The following SIMC1 variants were observed in gnomAD, a reference collection of about 807,000 sequenced individuals.
SIMC1 encodes SUMO interacting motifs containing 1.
Under a neutral mutation model 82.3 loss-of-function variants are expected in SIMC1, and 55 were observed. The ratio of observed to expected loss-of-function variants is 0.67; its 90% confidence interval spans 0.54 to 0.84. The LOEUF (loss-of-function observed/expected upper bound fraction) is 0.84, where lower values mean the gene tolerates loss of function less well. Ranked by LOEUF, SIMC1 falls within the 40% of genes least tolerant of loss-of-function variation. The pLI is 0.00. For missense variants in SIMC1, 915 were observed against 1,107.2 expected (o/e 0.83, Z 2.46); for synonymous variants, 353 against 426.3 (o/e 0.83, Z 2.12).
chr5:176,305,232 GT>G, intron 4 of SIMC1, among the ~76,000 whole-genome samples: 1 of 68,934 alleles, frequency 1.5e-5, no homozygotes, highest in Non-Finnish European at 3.4e-5. Context: ...CGTCTGGGAG[GT>G]GAGGGGCGCC....
intron 1 of SIMC1, among the ~76,000 whole-genome samples, chr5:176,275,183 G>T (rs1762630921): frequency 6.6e-6 from 1 of 151,496 alleles, no homozygotes; most frequent in Non-Finnish European, 1.5e-5. Flanking sequence ...CCTTGAAGAG[G>T]TCCTTCACGT....
chr5:176,244,576 A>G (rs1761371922), intron 1 of SIMC1, among the ~76,000 whole-genome samples: 1 of 152,056 alleles, frequency 6.6e-6, no homozygotes, highest in Non-Finnish European at 1.5e-5. Context: ...GAGGTTGGAG[A>G]TAAAGGAGTG....
At chr5:176,320,012 A>G (rs1437499379) in intron 5 of SIMC1, among the ~76,000 whole-genome samples, 2 of 152,218 alleles carry the variant, frequency 1.3e-5, no homozygotes, top group Non-Finnish European at 2.9e-5. Flanking sequence ...CATTTCTAAG[A>G]AAATTTCTTG....
chr5:176,313,217 T>C (rs1764741094), intron 4 of SIMC1: 2 of 1,199,540 alleles, frequency 1.7e-6, no homozygotes, highest in Non-Finnish European at 2.1e-6. Flanking sequence ...CGGTTTGATC[T>C]AGCAGCACAG....
In SIMC1 at chr5:176,272,207, T is replaced by G. The variant is rs1372888669; in HGVS notation, c.130-17447T>G. On this transcript the variant is annotated intron_variant, in intron 1 of 9. Coordinates refer to ENST00000429602, the MANE Select transcript of SIMC1 (RefSeq NM_001308195.2). Reference sequence around the variant, plus strand: ...AAAAAAAAAAAAAAAAAGGTGGGCATGGTGGAACGCACCTGCAGTCCCTGC... The same window carrying G: ...AAAAAAAAAAAAAAAAAGGTGGGCAGGGTGGAACGCACCTGCAGTCCCTGC... 3.8e-5 allele frequency among the ~76,000 whole-genome samples: 5 copies of G among 130,490 alleles called. 1 individual carries two copies. Among genetic ancestry groups the G allele is most frequent in the South Asian group, 2.4e-4 (1 of 4,130 alleles). 85.6% of individuals were successfully genotyped at this position (130,490 alleles called of 152,430 possible).
chr5:176,306,300 C>T (rs1446971620), intron 4 of SIMC1, among the ~76,000 whole-genome samples: 2 of 137,566 alleles, frequency 1.5e-5, no homozygotes, highest in African/African-American at 5.2e-5. Flanking sequence ...GGGGGGTCAG[C>T]CCCCCGTCCG....
intron 4 of SIMC1, among the ~76,000 whole-genome samples, chr5:176,303,270 A>T (rs1472274716): frequency 2.8e-4 from 2 of 7,202 alleles, no homozygotes; most frequent in Non-Finnish European, 6.6e-4. Flanking sequence ...TCTGTCTTTA[A>T]AAAAAAAAAA....
At chr5:176,303,510 G>A (rs964386385) in intron 4 of SIMC1, among the ~76,000 whole-genome samples, 11 of 151,618 alleles carry the variant, frequency 7.3e-5, no homozygotes, top group Admixed American at 3.9e-4. Context: ...TAATAGAGAC[G>A]GGTTTCTCCA....
At chr5:176,274,487 T>C (rs1001796060) in intron 1 of SIMC1, among the ~76,000 whole-genome samples, 13 of 151,878 alleles carry the variant, frequency 8.6e-5, no homozygotes. Flanking sequence ...TTTCTTTTGC[T>C]GTGCAGAAGC....
chr5:176,258,605 G>C (rs1385897409), intron 1 of SIMC1, among the ~76,000 whole-genome samples: 1 of 145,774 alleles, frequency 6.9e-6, no homozygotes. Context: ...TTTTTTTTTT[G>C]AGATAGAGTC....
chr5:176,323,020 G>T (rs752356338), intron 6 of SIMC1, among the ~76,000 whole-genome samples: 1 of 152,192 alleles, frequency 6.6e-6, no homozygotes, highest in African/African-American at 2.4e-5. Flanking sequence ...AAATAACCCA[G>T]TATTCCATGT....
intron 1 of SIMC1, among the ~76,000 whole-genome samples, chr5:176,249,903 A>G (rs1415214170): frequency 1.4e-5 from 2 of 145,490 alleles, no homozygotes; most frequent in Admixed American, 6.9e-5. Flanking sequence ...AGGGTTTTTC[A>G]TGTCTCTTAT....
intron 1 of SIMC1, among the ~76,000 whole-genome samples, chr5:176,255,852 C>T (rs567310198): frequency 2.6e-5 from 4 of 151,386 alleles, no homozygotes; most frequent in Non-Finnish European, 5.9e-5. Context: ...GCCGTTAAAG[C>T]AGAGTTAGAG....
intron 1 of SIMC1, among the ~76,000 whole-genome samples, chr5:176,259,856 A>G (rs1761958893): frequency 6.6e-6 from 1 of 151,918 alleles, no homozygotes; most frequent in Non-Finnish European, 1.5e-5. Flanking sequence ...TACTCTAGAT[A>G]ACTACAGTTT....
At chr5:176,274,031 G>T (rs1425529437) in intron 1 of SIMC1, among the ~76,000 whole-genome samples, 1 of 148,968 alleles carries the variant, frequency 6.7e-6, no homozygotes, top group African/African-American at 2.5e-5. Flanking sequence ...GTAATGGGAT[G>T]GCTGGGTCAA....
intron 7 of SIMC1, among the ~76,000 whole-genome samples, chr5:176,330,879 A>G (rs933867580): frequency 2.1e-4 from 32 of 152,296 alleles, no homozygotes; most frequent in African/African-American, 7.7e-4. Flanking sequence ...TTACAAAGGG[A>G]AAAATAGCAA....
At chr5:176,263,607 A>G (rs1762088597) in intron 1 of SIMC1, 1 of 1,298,006 alleles carries the variant, frequency 7.7e-7, no homozygotes, top group Admixed American at 3.2e-5. Context: ...GCACCATGAC[A>G]TTTATGAGGG....
At position 176,276,896 on chromosome 5, in the gene SIMC1, C is replaced by T. The variant is rs1018241033; in HGVS notation, c.130-12758C>T. Among the ~76,000 whole-genome samples the T allele has an allele frequency of 9.2e-3, 1,374 of 149,940 alleles. 29 individuals carry two copies. The highest frequency in any genetic ancestry group is 0.032 in the African/African-American group (1,305 of 40,586). On this transcript the variant is annotated intron_variant, in intron 1 of 9. Transcript: ENST00000429602. ...AAGTCTTTGCTATTGTGAATAATGC[C>T]GCAGTAAACATACGTGTACATGTGT...
intron 5 of SIMC1, among the ~76,000 whole-genome samples, chr5:176,319,271 G>T (rs1765055679): frequency 1.3e-5 from 2 of 152,036 alleles, no homozygotes; most frequent in South Asian, 2.1e-4. Context: ...ATTTCAGTCT[G>T]GAAAAATGTC....
Sources: gnomAD v4.1 joint callset for allele counts (sites outside exome capture counted in the v4.1 genomes callset) on GRCh38, gnomAD v4.1.1 for gene constraint, MANE v1.5 for transcripts, NCBI Gene and HGNC (gene_info 2026-07-23, HGNC 2026-07-21) for gene names.